The following MYH10 variants were observed in gnomAD, a reference collection of about 807,000 sequenced individuals.
MYH10 encodes myosin heavy chain 10.
A neutral mutation model predicts 257.8 loss-of-function variants in MYH10; 55 were observed. That is an observed-to-expected ratio of 0.21 (90% CI 0.17 to 0.27). The LOEUF (loss-of-function observed/expected upper bound fraction) is 0.27. MYH10 is among the 10% of genes least tolerant of loss of function. The pLI, the probability that MYH10 is intolerant of heterozygous loss-of-function variation, is 1.00. For missense variants in MYH10, 1,631 were observed against 2,500.6 expected, an observed-to-expected ratio of 0.65 and a Z score of 7.42; for synonymous variants, 854 against 921.7, an observed-to-expected ratio of 0.93 and a Z score of 1.33.
In MYH10 at chr17:8,604,864, T is replaced by C. The variant is rs1283983765; in HGVS notation, c.464A>G (p.Tyr155Cys). The stretch of plus-strand genomic sequence containing the variant: ...TCTGTAAGCAGATTCAGATATAGCA[T>C]AGATGTGTGGAGGCATCTCATGACG... ...KKRHEMPPHI[Y>C]AISESAYRCM... The change falls in exon 3 of 43, where the codon TAT becomes TGT. Residue 155 changes from tyrosine (Y) to cysteine (C), a missense_variant. Coordinates refer to ENST00000360416, the MANE Select transcript of MYH10 (RefSeq NM_001256012.3). The C allele has an allele frequency of 1.9e-6, 3 of 1,603,822 alleles. No homozygotes were observed. The highest frequency in any genetic ancestry group is 1.7e-5 in the Admixed American group (1 of 58,920).
chr17:8,619,136 G>A (rs568534853), intron 2 of MYH10, among the ~76,000 whole-genome samples: 2 of 152,168 alleles, frequency 1.3e-5, no homozygotes, highest in South Asian at 4.2e-4. Flanking sequence ...AGTCCTTTAG[G>A]CATACTTACC....
intron 41 of MYH10, 130 bp downstream of exon 41, chr17:8,478,208 G>A: frequency 2.5e-6 from 2 of 791,484 alleles, no homozygotes; most frequent in Non-Finnish European, 4.1e-6. Flanking sequence ...CAGGAACATG[G>A]AACAGCCCAC....
At position 8,509,915 on chromosome 17, in the gene MYH10, G is replaced by C; in HGVS notation, c.2987C>G (p.Ala996Gly). 11 of 1,612,118 alleles carry C rather than the reference G, an allele frequency of 6.8e-6. No homozygotes were observed. Among genetic ancestry groups the C allele is most frequent in the Non-Finnish European group, 9.3e-6 (11 of 1,179,080 alleles). Residue 996 changes from alanine to glycine, a missense_variant, in exon 25 of 43, where the codon GCT (alanine) becomes GGT (glycine). Coordinates refer to ENST00000360416, the MANE Select transcript of MYH10 (RefSeq NM_001256012.3). ...LEEQLDEEEG[A>G]RQKLQLEKVT... ...CTTTTCCAGCTGCAGCTTTTGCCGA[G>C]CCCCTTCCTCCTCGTCTAGCTGTTC... is the stretch of plus-strand genomic sequence containing the variant.
At chr17:8,540,246 C>T (rs1597779802) in intron 14 of MYH10, among the ~76,000 whole-genome samples, 1 of 152,236 alleles carries the variant, frequency 6.6e-6, no homozygotes, top group South Asian at 2.1e-4. Flanking sequence ...CTGCCTGCCT[C>T]AGCCTCCCAA....
chr17:8,488,202 CCACT>C (rs1401860486), intron 35 of MYH10, among the ~76,000 whole-genome samples: 17 of 152,296 alleles, frequency 1.1e-4, no homozygotes, highest in South Asian at 2.1e-4. Context: ...CACCTGTCAG[CCACT>C]CACTCACTCT....
chr17:8,561,714 A>T, intron 7 of MYH10: 1 of 605,560 alleles, frequency 1.7e-6, no homozygotes, highest in South Asian at 2.0e-5. Flanking sequence ...AATAATTCAG[A>T]CATGTGGTCA....
At chr17:8,614,501 T>A (rs2085177689) in intron 2 of MYH10, among the ~76,000 whole-genome samples, 1 of 151,872 alleles carries the variant, frequency 6.6e-6, no homozygotes, top group Admixed American at 6.6e-5. Flanking sequence ...GTATTTTTAG[T>A]AGAGACAGGG....
At chr17:8,549,111 T>A (rs1354833416) in intron 9 of MYH10, among the ~76,000 whole-genome samples, 1 of 152,112 alleles carries the variant, frequency 6.6e-6, no homozygotes, top group Admixed American at 6.5e-5. Flanking sequence ...AAAACTCTAT[T>A]GTTTTCAGAT....
chr17:8,489,746 C>CCACACACACACACACACACACACACA (rs1555570912), intron 35 of MYH10, among the ~76,000 whole-genome samples: 2 of 149,650 alleles, frequency 1.3e-5, no homozygotes, highest in African/African-American at 5.0e-5. Flanking sequence ...CACACACACA[C>CCACACACACACACACACACACACACA]CCCAAATCCA....
intron 7 of MYH10, among the ~76,000 whole-genome samples, chr17:8,563,584 C>G (rs2151987698): frequency 6.6e-6 from 1 of 152,286 alleles, no homozygotes; most frequent in South Asian, 2.1e-4. Context: ...ATGCTGGTTG[C>G]CTGGTGCAGA....
Position 8,476,992 on chromosome 17 carries a change from T to C in MYH10, c.5763A>G (p.Glu1921=). ...KQLKRQLEEA[E]EEATRANASR... ...ATGCGTTGGCACGCGTCGCTTCTTC[T>C]TCTGCTTCCTCCAGCTGGCGTTTAA... Residue 1921 remains glutamate, a synonymous_variant, in exon 42 of 43, where the codon GAA becomes GAG. Transcript: ENST00000360416. 1.2e-6 allele frequency: 2 copies of C among 1,614,210 alleles called. No individual in the cohort carries two copies. The highest frequency in any genetic ancestry group is 1.7e-6 in the Non-Finnish European group (2 of 1,180,050).
At chr17:8,531,340 C>T (rs1336378410) in intron 16 of MYH10, among the ~76,000 whole-genome samples, 1 of 151,738 alleles carries the variant, frequency 6.6e-6, no homozygotes, top group Non-Finnish European at 1.5e-5. Flanking sequence ...CATGAAAATG[C>T]AATCTTTAGG....
intron 3 of MYH10, among the ~76,000 whole-genome samples, chr17:8,592,873 A>G (rs1461361293): frequency 7.6e-6 from 1 of 131,828 alleles, no homozygotes; most frequent in Admixed American, 8.0e-5. Flanking sequence ...CCACATATAA[A>G]TATCACTCAT....
chr17:8,615,032 G>A (rs1567984545), intron 2 of MYH10, among the ~76,000 whole-genome samples: 2 of 152,198 alleles, frequency 1.3e-5, no homozygotes, highest in Non-Finnish European at 2.9e-5. Flanking sequence ...AGTGGCTCAT[G>A]CCTGTAATCC....
intron 17 of MYH10, 64 bp downstream of exon 17, chr17:8,530,559 C>T: frequency 8.8e-7 from 1 of 1,133,204 alleles, no homozygotes; most frequent in Admixed American, 2.9e-5. Context: ...AGTCCCCCCA[C>T]ACGTTTTTCC....
intron 7 of MYH10, among the ~76,000 whole-genome samples, chr17:8,556,403 G>A (rs1374313055): frequency 6.6e-6 from 1 of 152,188 alleles, no homozygotes; most frequent in East Asian, 1.9e-4. Flanking sequence ...AGAAATCGTG[G>A]TATATTCACA....
At chr17:8,599,362 T>C (rs1381371124) in intron 3 of MYH10, among the ~76,000 whole-genome samples, 1 of 152,194 alleles carries the variant, frequency 6.6e-6, no homozygotes, top group Non-Finnish European at 1.5e-5. Context: ...ACTTAATATG[T>C]CAAATTCTGA....
In MYH10 at chr17:8,512,472, T is replaced by G; in HGVS notation, c.2931A>C (p.Lys977Asn). 6.2e-7 allele frequency: 1 copy of G among 1,612,712 alleles called. No individual in the cohort carries two copies. The highest frequency in any genetic ancestry group is 8.5e-7 in the Non-Finnish European group (1 of 1,179,548). ...ATACCTGAATATGTGCTTGCATTTT[T>G]TTCTTTTCATTTTGGAGGATTTGGT... ...ERNQILQNEK[K>N]KMQAHIQDLE... Residue 977 changes from lysine to asparagine, a missense_variant, in exon 24 of 43, where the codon AAA becomes AAC. Around this residue, in one of 11 missense-constraint regions of MYH10, gnomAD observed 169 missense variants for 249.8 expected, o/e 0.68. Coordinates refer to ENST00000360416, the MANE Select transcript of MYH10 (RefSeq NM_001256012.3).
At chr17:8,624,439 C>T (rs1008119155) in intron 1 of MYH10, among the ~76,000 whole-genome samples, 3 of 152,194 alleles carry the variant, frequency 2.0e-5, no homozygotes, top group African/African-American at 7.2e-5. Context: ...GGCATGGCTT[C>T]CATCACTTCA....
Sources: gnomAD v4.1 joint callset for allele counts (sites outside exome capture counted in the v4.1 genomes callset) on GRCh38, gnomAD v4.1.1 for gene constraint, gnomAD v4.1.1 regional missense constraint, MANE v1.5 for transcripts, NCBI Gene and HGNC (gene_info 2026-07-23, HGNC 2026-07-21) for gene names.